The following ZFPM1 variants were observed in gnomAD, a reference collection of about 807,000 sequenced individuals.
ZFPM1 encodes zinc finger protein ZFPM1.
A neutral mutation model predicts 46.3 loss-of-function variants in ZFPM1; 28 were observed. That is an observed-to-expected ratio of 0.60 (90% CI 0.45 to 0.83). The LOEUF is 0.83. ZFPM1 is among the 40% of genes least tolerant of loss of function. The pLI, the probability that ZFPM1 is intolerant of heterozygous loss-of-function variation, is 0.00. For missense variants in ZFPM1, 1,878 were observed against 1,432.4 expected, an observed-to-expected ratio of 1.31 and a Z score of -5.02; for synonymous variants, 957 against 675.9, an observed-to-expected ratio of 1.42 and a Z score of -6.45.
In ZFPM1 at chr16:88,532,046, G is replaced by A. The variant is rs762672608; in HGVS notation, c.757G>A (p.Glu253Lys). Residue 253 changes from glutamate to lysine, a missense_variant, in exon 7 of 10, where the codon GAG (glutamate) becomes AAG (lysine). Coordinates refer to ENST00000319555, the MANE Select transcript of ZFPM1 (RefSeq NM_153813.3). ...CKDCGIWYRS[E>K]RNLQAHLLYY... ...GGACTGTGGCATCTGGTACCGCAGC[G>A]AGCGCAACCTGCAGGCGCACCTGCT... is the stretch of plus-strand genomic sequence containing the variant. The A allele has an allele frequency of 8.1e-6, 13 of 1,612,006 alleles. No individual in the cohort carries two copies. The highest frequency in any genetic ancestry group is 1.1e-5 in the South Asian group (1 of 90,966).
intron 1 of ZFPM1, among the ~76,000 whole-genome samples, chr16:88,464,152 G>A (rs1171514459): frequency 2.0e-5 from 3 of 152,214 alleles, no homozygotes; most frequent in Admixed American, 6.5e-5. Flanking sequence ...CCTGGGTGCC[G>A]CGTCTCAAGG....
At chr16:88,520,941 TTAGG>T (rs1200184588) in intron 4 of ZFPM1, among the ~76,000 whole-genome samples, 3 of 119,120 alleles carry the variant, frequency 2.5e-5, no homozygotes, top group Non-Finnish European at 3.4e-5. Flanking sequence ...GGGTGGATGA[TTAGG>T]TGGGTGGGTG....
chr16:88,522,582 C>T (rs1358590939), intron 4 of ZFPM1, among the ~76,000 whole-genome samples: 2 of 152,266 alleles, frequency 1.3e-5, no homozygotes, highest in Admixed American at 6.5e-5. Context: ...ACAGCGGATG[C>T]TGCACAGATA....
At chr16:88,524,806 CCT>C (rs1224503939) in intron 4 of ZFPM1, among the ~76,000 whole-genome samples, 2 of 152,202 alleles carry the variant, frequency 1.3e-5, no homozygotes, top group Non-Finnish European at 2.9e-5. Flanking sequence ...CTCGGCCGCC[CCT>C]CTGTCCCCCC....
intron 1 of ZFPM1, among the ~76,000 whole-genome samples, chr16:88,464,376 C>T (rs1326598883): frequency 2.0e-5 from 3 of 152,232 alleles, no homozygotes; most frequent in Non-Finnish European, 4.4e-5. Flanking sequence ...GGACACCCTG[C>T]AAGTCCCAAG....
At chr16:88,483,525 G>A (rs1034766215) in intron 1 of ZFPM1, among the ~76,000 whole-genome samples, 3 of 152,084 alleles carry the variant, frequency 2.0e-5, no homozygotes, top group Admixed American at 6.5e-5. Context: ...TGTTCCCTCC[G>A]AGATCTACCG....
At chr16:88,491,105 G>C (rs868825582) in intron 3 of ZFPM1, among the ~76,000 whole-genome samples, 15 of 145,378 alleles carry the variant, frequency 1.0e-4, no homozygotes, top group South Asian at 7.1e-4. Context: ...GGTGCCTTCG[G>C]GGGTCCCAGT....
In ZFPM1 at chr16:88,533,663, C is replaced by T. The variant is rs755617370; in HGVS notation, c.1705C>T (p.Leu569Phe). The T allele has an allele frequency of 1.3e-6, 2 of 1,482,394 alleles. No individual in the cohort carries two copies. Among genetic ancestry groups the T allele is most frequent in the South Asian group, 1.2e-5 (1 of 80,768 alleles). The allele number at this position is 1,482,394 out of a possible 1,614,324, so 91.8% of individuals were successfully genotyped here. A position where few individuals can be genotyped will look rare whatever the true frequency, so the allele number is the denominator to read the frequency against. ...GAGAGGAQTGLFPGAPKGATC... is the reference protein window; with the variant it reads ...GAGAGGAQTGFFPGAPKGATC... ...GGGCGCCGGCGGCGCGCAGACCGGGCTCTTCCCCGGGGCCCCCAAGGGCGC... is the reference window on the plus strand; with the variant it reads ...GGGCGCCGGCGGCGCGCAGACCGGGTTCTTCCCCGGGGCCCCCAAGGGCGC... The change falls in exon 10 of 10, where the codon CTC (leucine) becomes TTC (phenylalanine). Residue 569 changes from leucine to phenylalanine, a missense_variant. Physicochemically the swap from Leu to Phe is conservative, Grantham distance 22 (BLOSUM62 0). Coordinates refer to ENST00000319555, the MANE Select transcript of ZFPM1 (RefSeq NM_153813.3).
intron 1 of ZFPM1, among the ~76,000 whole-genome samples, chr16:88,485,415 G>T (rs927661921): frequency 2.0e-5 from 3 of 151,898 alleles, no homozygotes; most frequent in African/African-American, 7.3e-5. Context: ...TGCAGAGGGT[G>T]GGGGTTCGTC....
Position 88,533,926 on chromosome 16 carries a change from C to T in ZFPM1, c.1968C>T (p.Asp656=), listed in dbSNP as rs1327894042. 2 of 1,227,714 alleles carry T rather than the reference C, an allele frequency of 1.6e-6. No homozygotes were observed. Among genetic ancestry groups the T allele is most frequent in the African/African-American group, 1.7e-5 (1 of 58,016 alleles). 76.1% of individuals were successfully genotyped at this position (1,227,714 alleles called of 1,614,324 possible). A position where few individuals can be genotyped will look rare whatever the true frequency, so the allele number is the denominator to read the frequency against. The change falls in exon 10 of 10, where the codon GAC becomes GAT. Residue 656 remains aspartate, a synonymous_variant. Coordinates refer to ENST00000319555, the MANE Select transcript of ZFPM1 (RefSeq NM_153813.3). The stretch of plus-strand genomic sequence containing the variant: ...CTGGGGGCGCGGCCACGCCCGAGGA[C>T]GGCGCGGGCGGCCGGGGCAGCGAGG... ...EGAGGAATPE[D]GAGGRGSEGS...
At chr16:88,455,170 T>TGTGG (rs1295586005) in intron 1 of ZFPM1, among the ~76,000 whole-genome samples, 7 of 148,630 alleles carry the variant, frequency 4.7e-5, no homozygotes, top group Non-Finnish European at 7.4e-5. Context: ...TGTGTGTGTG[T>TGTGG]GTGGTGTTTC....
At position 88,455,632 on chromosome 16, in the gene ZFPM1, C is replaced by T. The variant is rs1054826279; in HGVS notation, c.40+1954C>T. On this transcript the variant is annotated intron_variant, in intron 1 of 9. Coordinates refer to ENST00000319555, the MANE Select transcript of ZFPM1 (RefSeq NM_153813.3). ...CGAGCGCTTCGGGCCGCCCACCCCC[C>T]ACCCGCGCCCCCATCAAAGCCCTGG... Among the ~76,000 whole-genome samples the T allele has an allele frequency of 2.0e-5, 3 of 152,116 alleles. No individual in the cohort carries two copies. In the South Asian group the frequency reaches 6.2e-4, roughly 32 times the overall value.
At chr16:88,460,886 G>A (rs1182983677) in intron 1 of ZFPM1, among the ~76,000 whole-genome samples, 1 of 149,998 alleles carries the variant, frequency 6.7e-6, no homozygotes, top group South Asian at 2.1e-4. Context: ...GCAGGCTAAG[G>A]ACTGAGGGAT....
chr16:88,521,778 ACACCC>A (rs1911918459), intron 4 of ZFPM1, among the ~76,000 whole-genome samples: 1 of 16,246 alleles, frequency 6.2e-5, no homozygotes, highest in African/African-American at 3.5e-4. Context: ...TGCTGTTCCC[ACACCC>A]TGTGCTGTTC....
chr16:88,531,852 CTTACAG>C, intron 6 of ZFPM1, 144 bp from the exon 7 acceptor site: 1 of 707,406 alleles, frequency 1.4e-6, no homozygotes, highest in Admixed American at 3.0e-5. Context: ...ATCCAGGAGG[CTTACAG>C]TTACAGGAAG....
intron 1 of ZFPM1, 85 bp downstream of exon 1, chr16:88,453,763 G>T: frequency 5.8e-6 from 5 of 856,170 alleles, no homozygotes; most frequent in Non-Finnish European, 7.2e-6. Context: ...GCCCGTCCCC[G>T]CTCTGCCCTG....
chr16:88,503,170 G>A (rs1298654657), intron 3 of ZFPM1, among the ~76,000 whole-genome samples: 1 of 152,262 alleles, frequency 6.6e-6, no homozygotes, highest in Non-Finnish European at 1.5e-5. Flanking sequence ...GCGGCACAGG[G>A]GAGGGAGCTG....
Position 88,469,277 on chromosome 16 carries a change from A to G in ZFPM1, c.40+15599A>G, listed in dbSNP as rs1196157815. On this transcript the variant is annotated intron_variant, in intron 1 of 9. Coordinates refer to ENST00000319555, the MANE Select transcript of ZFPM1 (RefSeq NM_153813.3). This position sits in a 1 kb window ranked among gnomAD's most constrained non-coding sequence, Gnocchi z 4.3. ...GGGCCAGGGACGTGGCACCATCTTA[A>G]TGAATGACAGTCCCAACCCCTTTGC... 2.0e-5 allele frequency among the ~76,000 whole-genome samples: 3 copies of G among 152,200 alleles called. No homozygotes were observed. The highest frequency in any genetic ancestry group is 4.4e-5 in the Non-Finnish European group (3 of 68,028).
rs776711108 is a variant in ZFPM1, at chr16:88,534,797, C to T, written c.2839C>T (p.Pro947Ser). 8.0e-6 allele frequency: 11 copies of T among 1,374,414 alleles called. No homozygotes were observed. The South Asian group carries it at 1.6e-4, about 20-fold the overall frequency. The allele number at this position is 1,374,414 out of a possible 1,614,324, so 85.1% of individuals were successfully genotyped here. Residue 947 changes from proline (P) to serine (S), a missense_variant, in exon 10 of 10, where the codon CCG (proline) becomes TCG (serine). Coordinates refer to ENST00000319555, the MANE Select transcript of ZFPM1 (RefSeq NM_153813.3). ...CGCGCCCGAGGCCGTGCCGCCCCCG[C>T]CGGCGCCCCCCTCCTACTCGGACAA... ...AAAPEAVPPP[P>S]APPSYSDKGV... is the part of the protein sequence containing the mutation.
Sources: gnomAD v4.1 joint callset for allele counts (sites outside exome capture counted in the v4.1 genomes callset) on GRCh38, gnomAD v4.1.1 for gene constraint, Gnocchi (gnomAD v3.1) non-coding constraint, MANE v1.5 for transcripts, NCBI Gene and HGNC (gene_info 2026-07-23, HGNC 2026-07-21) for gene names.